The following MFHAS1 variants were observed in gnomAD, a reference collection of about 807,000 sequenced individuals.
MFHAS1 encodes multifunctional ROCO family signaling regulator 1, also known as malignant fibrous histiocytoma-amplified sequence 1.
MFHAS1 carries 50 observed loss-of-function variants against 70.4 expected under a neutral mutation model. That is an observed-to-expected ratio of 0.71 (90% CI 0.57 to 0.90). The LOEUF is 0.90. MFHAS1 is among the 40% of genes least tolerant of loss of function. The probability of loss-of-function intolerance (pLI) is 0.00; values close to 1 mark genes in which losing one functional copy is unlikely to be tolerated. For missense variants in MFHAS1, 1,795 were observed against 1,347.6 expected, an observed-to-expected ratio of 1.33 and a Z score of -5.20; for synonymous variants, 952 against 620.0, an observed-to-expected ratio of 1.54 and a Z score of -7.96.
intron 1 of MFHAS1, among the ~76,000 whole-genome samples, chr8:8,822,609 A>G (rs531181262): frequency 1.1e-4 from 14 of 132,628 alleles, no homozygotes; most frequent in Non-Finnish European, 9.6e-5. Context: ...AATGAGATGG[A>G]GACAGGGACC....
chr8:8,828,684 C>A (rs1047974038), intron 1 of MFHAS1, among the ~76,000 whole-genome samples: 21 of 152,228 alleles, frequency 1.4e-4, no homozygotes, highest in African/African-American at 5.1e-4. Context: ...ATGCCCACTG[C>A]CCACTAAGCA....
At chr8:8,792,118 G>T (rs1042911636) in intron 2 of MFHAS1, among the ~76,000 whole-genome samples, 3 of 152,154 alleles carry the variant, frequency 2.0e-5, no homozygotes, top group African/African-American at 7.2e-5. Context: ...TGTACCTGTA[G>T]TCCCAGCTAC....
Position 8,785,394 on chromosome 8 carries a change from T to TTA in MFHAS1, c.*627_*628insTA, listed in dbSNP as rs1360547774. The TTA allele has an allele frequency of 6.6e-6, 1 of 151,958 alleles. No individual in the cohort carries two copies. The highest frequency in any genetic ancestry group is 1.5e-5 in the Non-Finnish European group (1 of 67,888). 9.4% of individuals were successfully genotyped at this position (151,958 alleles called of 1,614,324 possible). A position where few individuals can be genotyped will look rare whatever the true frequency, so the allele number is the denominator to read the frequency against. Reference sequence around the variant, plus strand: ...CCATGGGCTAACAGAGAGATTTTTTTTTTAATGTGAAGAGGATTAAAGAAT... The same window carrying TTA: ...CCATGGGCTAACAGAGAGATTTTTTTTATTTAATGTGAAGAGGATTAAAGAAT... On this transcript the variant is annotated 3_prime_UTR_variant, in exon 3 of 3. Coordinates refer to ENST00000276282, the MANE Select transcript of MFHAS1 (RefSeq NM_004225.3).
At chr8:8,863,635 C>T (rs995468222) in intron 1 of MFHAS1, among the ~76,000 whole-genome samples, 3 of 152,278 alleles carry the variant, frequency 2.0e-5, no homozygotes, top group African/African-American at 7.2e-5. Context: ...CCATCTGATT[C>T]CTACCTATTT....
chr8:8,847,861 G>C (rs1283781440), intron 1 of MFHAS1, among the ~76,000 whole-genome samples: 1 of 152,142 alleles, frequency 6.6e-6, no homozygotes, highest in Non-Finnish European at 1.5e-5. Context: ...ATCTGGTATA[G>C]CCCATGTTGC....
chr8:8,823,876 C>G (rs80305668), intron 1 of MFHAS1, among the ~76,000 whole-genome samples: 2,823 of 131,222 alleles, frequency 0.022, 98 homozygotes, highest in African/African-American at 0.076. Flanking sequence ...AGATCTTAGC[C>G]ACGTCGTGCA....
intron 2 of MFHAS1, among the ~76,000 whole-genome samples, chr8:8,787,271 G>A (rs1017234726): frequency 2.6e-5 from 4 of 151,986 alleles, no homozygotes; most frequent in African/African-American, 7.2e-5. Flanking sequence ...TAGTAGAGAT[G>A]GGGTTTCACC....
At chr8:8,797,759 GC>G (rs1805958858) in intron 1 of MFHAS1, among the ~76,000 whole-genome samples, 1 of 152,194 alleles carries the variant, frequency 6.6e-6, no homozygotes, top group Non-Finnish European at 1.5e-5. Flanking sequence ...ATCTGTCACT[GC>G]TCTGCTCACC....
intron 1 of MFHAS1, among the ~76,000 whole-genome samples, chr8:8,819,465 C>A (rs1469577316): frequency 6.6e-6 from 1 of 151,968 alleles, no homozygotes; most frequent in African/African-American, 2.4e-5. Context: ...ATTAGCCGGG[C>A]ATGGTGGCGG....
intron 1 of MFHAS1, among the ~76,000 whole-genome samples, chr8:8,871,017 G>A (rs187972452): frequency 6.6e-6 from 1 of 152,242 alleles, no homozygotes; most frequent in African/African-American, 2.4e-5. Context: ...GCCTCCGGGG[G>A]TTATTCTGCT....
chr8:8,885,477 C>A (rs1438886124), intron 1 of MFHAS1, among the ~76,000 whole-genome samples: 1 of 152,172 alleles, frequency 6.6e-6, no homozygotes, highest in East Asian at 1.9e-4. Context: ...GTCCTAACCA[C>A]CACATCTTAA....
intron 1 of MFHAS1, among the ~76,000 whole-genome samples, chr8:8,861,629 CTTGATGCATT>C (rs1188030431): frequency 6.6e-6 from 1 of 152,106 alleles, no homozygotes; most frequent in Admixed American, 6.5e-5. Flanking sequence ...AAACGTAGAA[CTTGATGCATT>C]TTGACAGATA....
At chr8:8,810,088 C>G (rs370846358) in intron 1 of MFHAS1, among the ~76,000 whole-genome samples, 2 of 152,120 alleles carry the variant, frequency 1.3e-5, no homozygotes. Context: ...GAAGCCAGGC[C>G]GGGCGCAGTG....
chr8:8,792,442 AC>A (rs1452945120), intron 2 of MFHAS1, among the ~76,000 whole-genome samples: 3 of 152,150 alleles, frequency 2.0e-5, no homozygotes, highest in Non-Finnish European at 4.4e-5. Flanking sequence ...CTCTACTAAT[AC>A]AAAAAATAAA....
In MFHAS1 at chr8:8,891,567, A is replaced by T. The variant is rs200309914; in HGVS notation, c.1492T>A (p.Tyr498Asn). ...GTGGCCAAGTTGACCACCAGCACGT[A>T]TAGGGCCCCTGGGGACAGGAAGAAG... is the stretch of plus-strand genomic sequence containing the variant. ...QPFFLSPGAL[Y>N]VLVVNLATYE... Residue 498 changes from tyrosine to asparagine, a missense_variant, in exon 1 of 3, where the codon TAC becomes AAC. By Grantham distance (143) the Tyr-to-Asn change is moderately radical (BLOSUM62 -2). Transcript: ENST00000276282. This position sits in a 1 kb window ranked among gnomAD's most constrained non-coding sequence, Gnocchi z 5.4. 146 of 1,613,124 alleles carry T rather than the reference A, an allele frequency of 9.1e-5. No homozygotes were observed. Among genetic ancestry groups the T allele is most frequent in the Non-Finnish European group, 2.7e-5 (32 of 1,180,042 alleles).
At chr8:8,881,737 G>A (rs1809530598) in intron 1 of MFHAS1, among the ~76,000 whole-genome samples, 1 of 149,622 alleles carries the variant, frequency 6.7e-6, no homozygotes, top group South Asian at 2.1e-4. Context: ...GAGAGGCTGA[G>A]ACAGGAGAAT....
intron 1 of MFHAS1, among the ~76,000 whole-genome samples, chr8:8,850,767 G>C (rs1808215449): frequency 6.9e-6 from 1 of 143,982 alleles, no homozygotes; most frequent in Non-Finnish European, 1.5e-5. Flanking sequence ...GAAGGTTACA[G>C]TGAGTGGCGA....
intron 1 of MFHAS1, among the ~76,000 whole-genome samples, chr8:8,797,894 G>A (rs1805964744): frequency 6.6e-6 from 1 of 152,158 alleles, no homozygotes; most frequent in African/African-American, 2.4e-5. Context: ...TGGGGCAGAT[G>A]GGACTCAAGC....
chr8:8,817,806 T>C (rs180942027), intron 1 of MFHAS1, among the ~76,000 whole-genome samples: 4 of 152,278 alleles, frequency 2.6e-5, no homozygotes, highest in Admixed American at 2.6e-4. Context: ...GAATTCACAA[T>C]AGAGTTCAAG....
Sources: allele counts gnomAD v4.1 joint callset (sites outside exome capture counted in the v4.1 genomes callset), GRCh38; gene constraint gnomAD v4.1.1; non-coding constraint Gnocchi (gnomAD v3.1); transcripts MANE v1.5; gene names NCBI Gene and HGNC (gene_info 2026-07-23, HGNC 2026-07-21).